The following CPA3 variants were observed in gnomAD, a reference collection of about 807,000 sequenced individuals.
CPA3 encodes the protein carboxypeptidase A3.
A neutral mutation model predicts 55.8 loss-of-function variants in CPA3; 52 were observed. That is an observed-to-expected ratio of 0.93 (90% confidence interval 0.75 to 1.17). The LOEUF (loss-of-function observed/expected upper bound fraction) is 1.17. Among genes scored for constraint, CPA3 ranks in the 50% most tolerant of loss-of-function variants. The pLI is 0.00. For synonymous variants in CPA3, 179 were observed against 171.2 expected, an observed-to-expected ratio of 1.05 and a Z score of -0.36; for missense variants, 547 against 509.1, an observed-to-expected ratio of 1.07 and a Z score of -0.72.
intron 3 of CPA3, chr3:148,869,809 T>C (rs1714010543): frequency 6.6e-6 from 1 of 152,100 alleles, no homozygotes; most frequent in Non-Finnish European, 1.5e-5. Flanking sequence ...AAATAAAATG[T>C]GTTGGCCATG....
chr3:148,896,486 C>T (rs1181007271), intron 10 of CPA3, 34 bp from the exon 11 acceptor site: 1 of 1,458,810 alleles, frequency 6.9e-7, no homozygotes, highest in East Asian at 2.3e-5. Context: ...TAGCATTTGT[C>T]TCTAATTAAA....
At chr3:148,878,201 C>T (rs1008298005) in intron 3 of CPA3, among the ~76,000 whole-genome samples, 5 of 152,138 alleles carry the variant, frequency 3.3e-5, no homozygotes, top group Non-Finnish European at 7.4e-5. Context: ...CTTCACATGT[C>T]CTGTATGCAC....
chr3:148,895,103 C>A (rs557986714), intron 10 of CPA3, among the ~76,000 whole-genome samples: 7 of 152,288 alleles, frequency 4.6e-5, no homozygotes, highest in African/African-American at 1.7e-4. Context: ...TCTTTTCAAT[C>A]CAGATTAACA....
intron 3 of CPA3, among the ~76,000 whole-genome samples, chr3:148,872,916 T>C (rs1375631649): frequency 6.6e-6 from 1 of 152,164 alleles, no homozygotes; most frequent in Non-Finnish European, 1.5e-5. Context: ...CTTTACCTCA[T>C]ACCTCATCTA....
At chr3:148,868,682 T>TAAA (rs375251241) in intron 2 of CPA3, among the ~76,000 whole-genome samples, 168 of 143,824 alleles carry the variant, frequency 1.2e-3, no homozygotes, top group African/African-American at 3.9e-3. Flanking sequence ...CTGAAGTCCT[T>TAAA]AAAAAAAAAA....
At chr3:148,879,756 C>A in intron 5 of CPA3, 32 bp from the exon 6 acceptor site, 2 of 1,462,234 alleles carry the variant, frequency 1.4e-6, no homozygotes, top group South Asian at 1.1e-5. Context: ...TGAGTTTGTT[C>A]AAAACAATAT....
In CPA3 at chr3:148,879,860, C is replaced by T. The variant is rs1321000398; in HGVS notation, c.547C>T (p.Pro183Ser). The change falls in exon 6 of 11, where the codon CCA (proline) becomes TCA (serine). Residue 183 changes from proline to serine, a missense_variant. Pro to Ser is a moderately conservative substitution (Grantham distance 74). Transcript: ENST00000296046. ...CATTCACGCACGAGAATGGGTCTCC[C>T]CAGCATTCTGCCAGTGGTTTGTCTA... ...CGIHAREWVSPAFCQWFVYQA... is the reference protein window; with the variant it reads ...CGIHAREWVSSAFCQWFVYQA... The T allele has an allele frequency of 6.2e-7, 1 of 1,612,478 alleles. No individual in the cohort carries two copies. Among genetic ancestry groups the T allele is most frequent in the East Asian group, 2.2e-5 (1 of 44,864 alleles).
chr3:148,889,120 C>T (rs1714604872), intron 10 of CPA3, among the ~76,000 whole-genome samples: 1 of 152,226 alleles, frequency 6.6e-6, no homozygotes, highest in East Asian at 1.9e-4. Flanking sequence ...TTGCCTTTGT[C>T]ACGCAGTGCT....
At chr3:148,887,510 C>A (rs1283636665) in intron 10 of CPA3, among the ~76,000 whole-genome samples, 3 of 152,122 alleles carry the variant, frequency 2.0e-5, no homozygotes, top group Non-Finnish European at 4.4e-5. Flanking sequence ...CTGACCACTG[C>A]ACATACTGTT....
At chr3:148,892,472 G>A (rs1325693698) in intron 10 of CPA3, among the ~76,000 whole-genome samples, 1 of 152,000 alleles carries the variant, frequency 6.6e-6, no homozygotes, top group Non-Finnish European at 1.5e-5. Flanking sequence ...GGCCAACATG[G>A]TGAAACCCGG....
Position 148,885,513 on chromosome 3 carries a change from C to A in CPA3, c.982-580C>A, listed in dbSNP as rs552911620. Among the ~76,000 whole-genome samples, 4 of 147,460 alleles carry A rather than the reference C, an allele frequency of 2.7e-5. No individual in the cohort carries two copies. In the Admixed American group the frequency reaches 2.8e-4, roughly 10 times the overall value. On this transcript the variant is annotated intron_variant, in intron 9 of 10. Transcript: ENST00000296046. Reference sequence around the variant, plus strand: ...ACAACCTCCGACTCCCTGGTTCAAGCGATTCTCCTGCCTCAGCCTCCCAAG... The same window carrying A: ...ACAACCTCCGACTCCCTGGTTCAAGAGATTCTCCTGCCTCAGCCTCCCAAG...
At chr3:148,885,406 C>CTTTTTTT (rs10712598) in intron 9 of CPA3, among the ~76,000 whole-genome samples, 1 of 88,358 alleles carries the variant, frequency 1.1e-5, no homozygotes, top group Non-Finnish European at 2.1e-5. Context: ...ATATTTAAGT[C>CTTTTTTT]TTTTTTTTTT....
chr3:148,866,511 A>G (rs965234651), intron 2 of CPA3, among the ~76,000 whole-genome samples: 6 of 152,248 alleles, frequency 3.9e-5, no homozygotes, highest in Admixed American at 6.5e-5. Flanking sequence ...TTTGAGGGTC[A>G]TTACTAAGAA....
chr3:148,865,314 C>T lies in CPA3; in HGVS notation c.7C>T (p.Leu3Phe), dbSNP rs1224723310. Reference protein sequence around the residue: MRLILPVGLIATT... With the variant: MRFILPVGLIATT... ...AGGCAGGCAAAGAAGAACCATGAGG[C>T]TCATCCTGCCTGTGGGTTTGATTGC... Residue 3 changes from leucine to phenylalanine, a missense_variant, in exon 1 of 11, where the codon CTC becomes TTC. Leu to Phe is a conservative substitution (Grantham distance 22, BLOSUM62 0). Coordinates refer to ENST00000296046, the MANE Select transcript of CPA3 (RefSeq NM_001870.4). 5 of 1,614,122 alleles carry T rather than the reference C, an allele frequency of 3.1e-6. No individual in the cohort carries two copies. Among genetic ancestry groups the T allele is most frequent in the East Asian group, 2.2e-5 (1 of 44,874 alleles).
Position 148,890,645 on chromosome 3 carries a change from T to C in CPA3, c.1066+4468T>C, listed in dbSNP as rs1013391336. ...CTTCAGCTCTTGCTTCTAATATAAT[T>C]TTCACTTAGTATTAATATAAAAGTA... is the stretch of plus-strand genomic sequence containing the variant. On this transcript the variant is annotated intron_variant, in intron 10 of 10. Transcript: ENST00000296046. Among the ~76,000 whole-genome samples, 9 of 152,322 alleles carry C rather than the reference T, an allele frequency of 5.9e-5. No homozygotes were observed. In the East Asian group the frequency reaches 1.3e-3, roughly 23 times the overall value.
chr3:148,885,509 C>T (rs931759492), intron 9 of CPA3, among the ~76,000 whole-genome samples: 4 of 142,158 alleles, frequency 2.8e-5, no homozygotes, highest in South Asian at 2.3e-4. Flanking sequence ...CTCCCTGGTT[C>T]AAGCGATTCT....
chr3:148,870,163 G>A (rs1221895139), intron 3 of CPA3: 1 of 147,786 alleles, frequency 6.8e-6, no homozygotes, highest in Non-Finnish European at 1.5e-5. Flanking sequence ...TTGATGTACA[G>A]AGGGATCCCA....
intron 10 of CPA3, among the ~76,000 whole-genome samples, chr3:148,890,159 A>C (rs1485293842): frequency 6.6e-6 from 1 of 152,222 alleles, no homozygotes; most frequent in Non-Finnish European, 1.5e-5. Flanking sequence ...TATACCTACC[A>C]CTTTGCCCCA....
intron 5 of CPA3, 35 bp downstream of exon 5, chr3:148,878,783 C>A (rs1714282032): frequency 8.0e-7 from 1 of 1,253,268 alleles, no homozygotes; most frequent in South Asian, 1.3e-5. Context: ...ATTCTTATTA[C>A]TGTTGAAAAA....
Sources: allele counts gnomAD v4.1 joint callset (sites outside exome capture counted in the v4.1 genomes callset), GRCh38; gene constraint gnomAD v4.1.1; transcripts MANE v1.5; gene names NCBI Gene and HGNC (gene_info 2026-07-23, HGNC 2026-07-21).